INIP: variants seen among roughly 807,000 people sequenced by gnomAD.
INIP encodes SOSS complex subunit C.
INIP carries 9 observed loss-of-function variants against 14.0 expected under a neutral mutation model. The observed-to-expected ratio is 0.64, with a 90% confidence interval of 0.39 to 1.12. The LOEUF (loss-of-function observed/expected upper bound fraction) is 1.12. INIP is among the 50% of genes most tolerant of loss of function. INIP has a pLI of 0.01. For missense variants in INIP, 78 were observed against 122.7 expected (o/e 0.64, Z 1.72); for synonymous variants, 37 against 41.5 (o/e 0.89, Z 0.41).
intron 4 of INIP, among the ~76,000 whole-genome samples, chr9:112,688,748 CAAG>C (rs1303324534): frequency 1.3e-5 from 2 of 152,028 alleles, no homozygotes; most frequent in South Asian, 2.1e-4. Flanking sequence ...GAGCCTGAGG[CAAG>C]AAGATTACTT....
At chr9:112,713,014 C>T (rs778215548) in intron 2 of INIP, among the ~76,000 whole-genome samples, 50 of 152,222 alleles carry the variant, frequency 3.3e-4, no homozygotes, top group Middle Eastern at 3.4e-3. Flanking sequence ...ATTAAGAACA[C>T]GAAAAGGCAA....
At chr9:112,700,984 T>C (rs1838278907) in intron 2 of INIP, among the ~76,000 whole-genome samples, 1 of 152,118 alleles carries the variant, frequency 6.6e-6, no homozygotes, top group African/African-American at 2.4e-5. Flanking sequence ...TATATATATA[T>C]AAAATTTCCT....
chr9:112,688,077 C>T (rs1837746573), intron 4 of INIP, among the ~76,000 whole-genome samples: 1 of 143,358 alleles, frequency 7.0e-6, no homozygotes, highest in Non-Finnish European at 1.5e-5. Flanking sequence ...CAGAGCGAGA[C>T]TCCATCTCAA....
chr9:112,695,334 A>G (rs1838046095), intron 2 of INIP, among the ~76,000 whole-genome samples: 1 of 151,012 alleles, frequency 6.6e-6, no homozygotes, highest in African/African-American at 2.4e-5. Context: ...TGAATATGGG[A>G]GGAAAGCACA....
intron 3 of INIP, 150 bp from the exon 4 acceptor site, chr9:112,689,767 ATTTG>A (rs1231513670): frequency 1.7e-6 from 1 of 575,972 alleles, no homozygotes; most frequent in African/African-American, 1.9e-5. Flanking sequence ...ATGTTTTAGT[ATTTG>A]TATTTGTTGT....
Position 112,700,538 on chromosome 9 carries a change from T to TATATATATA in INIP, c.26-6306_26-6305insTATATATAT, listed in dbSNP as rs112196431. On this transcript the variant is annotated intron_variant, in intron 2 of 4. Coordinates refer to ENST00000374242, the MANE Select transcript of INIP (RefSeq NM_021218.3). ...TAGGTATATATAATATATATATATATTATATATACCTAATTATATTATATA... is the reference window on the plus strand; with the variant it reads ...TAGGTATATATAATATATATATATATATATATATATATATATACCTAATTATATTATATA... 3.6e-3 allele frequency among the ~76,000 whole-genome samples: 437 copies of TATATATATA among 122,150 alleles called. 3 individuals carry two copies. Among genetic ancestry groups the TATATATATA allele is most frequent in the African/African-American group, 0.015 (412 of 27,414 alleles). 80.1% of individuals were successfully genotyped at this position (122,150 alleles called of 152,430 possible).
At chr9:112,705,244 T>C (rs1277535716) in intron 2 of INIP, among the ~76,000 whole-genome samples, 1 of 152,024 alleles carries the variant, frequency 6.6e-6, no homozygotes, top group Non-Finnish European at 1.5e-5. Flanking sequence ...TTAATTATAA[T>C]TGTAACTTAA....
At position 112,716,488 on chromosome 9, in the gene INIP, T is replaced by C; in HGVS notation, c.-3A>G. 1 of 1,613,768 alleles carries C rather than the reference T, an allele frequency of 6.2e-7. No homozygotes were observed. Among genetic ancestry groups the C allele is most frequent in the South Asian group, 1.1e-5 (1 of 91,078 alleles). On this transcript the variant is annotated 5_prime_UTR_variant, in exon 2 of 5. Transcript: ENST00000374242. ...TGTCCTGAAGAGTTTGCTGCCATTTTCCTATTTTGTTTCAAGTATGTCCAG... is the reference window on the plus strand; with the variant it reads ...TGTCCTGAAGAGTTTGCTGCCATTTCCCTATTTTGTTTCAAGTATGTCCAG...
chr9:112,695,255 G>GAAAA (rs60657759), intron 2 of INIP, among the ~76,000 whole-genome samples: 1 of 64,694 alleles, frequency 1.5e-5, no homozygotes, highest in East Asian at 5.1e-4. Context: ...CAGAACTACA[G>GAAAA]AAAAAAAAAA....
intron 2 of INIP, among the ~76,000 whole-genome samples, chr9:112,711,317 C>G (rs1838642855): frequency 6.6e-6 from 1 of 152,076 alleles, no homozygotes; most frequent in South Asian, 2.1e-4. Context: ...TCCATGACAT[C>G]AACAAAAATC....
At chr9:112,701,137 G>A (rs112253852) in intron 2 of INIP, among the ~76,000 whole-genome samples, 8 of 152,162 alleles carry the variant, frequency 5.3e-5, no homozygotes, top group East Asian at 1.9e-4. Flanking sequence ...ATGAAACCCC[G>A]TCTCTACTAA....
chr9:112,688,798 G>A (rs1003549024), intron 4 of INIP, among the ~76,000 whole-genome samples: 1 of 152,136 alleles, frequency 6.6e-6, no homozygotes, highest in African/African-American at 2.4e-5. Flanking sequence ...AGCTATGATG[G>A]CACCATTGCA....
chr9:112,704,074 G>T (rs983120325), intron 2 of INIP, among the ~76,000 whole-genome samples: 4 of 151,896 alleles, frequency 2.6e-5, no homozygotes, highest in African/African-American at 9.7e-5. Flanking sequence ...ATACTTTTTT[G>T]TTTCAGTACA....
At chr9:112,688,274 A>C (rs1837754462) in intron 4 of INIP, among the ~76,000 whole-genome samples, 1 of 152,098 alleles carries the variant, frequency 6.6e-6, no homozygotes, top group Non-Finnish European at 1.5e-5. Context: ...CAAAGACATG[A>C]ACTGTTTTGT....
intron 2 of INIP, among the ~76,000 whole-genome samples, chr9:112,707,240 CTT>C (rs745697280): frequency 5.9e-4 from 73 of 124,164 alleles, no homozygotes; most frequent in East Asian, 9.2e-4. Flanking sequence ...TGCCCGGCCT[CTT>C]TTTTTTTTTT....
chr9:112,687,822 ACAC>A, intron 4 of INIP, among the ~76,000 whole-genome samples, 189 bp from the exon 5 acceptor site: 1 of 152,082 alleles, frequency 6.6e-6, no homozygotes, highest in Non-Finnish European at 1.5e-5. Context: ...GCGGTGGCTC[ACAC>A]TGGTAATCCC....
chr9:112,689,533 A>C lies in INIP; in HGVS notation c.213T>G (p.Ala71=). Residue 71 remains alanine (A), a synonymous_variant, in exon 4 of 5, where the codon GCT becomes GCG. Coordinates refer to ENST00000374242, the MANE Select transcript of INIP (RefSeq NM_021218.3). ...TGTCAGTTACACTGCTCACCTGCAA[A>C]GCTGCCTTCTGTTGGGCTGCAATAT... The part of the protein sequence containing the change: ...QQHIAAQQKA[A]LQHAHAHSSG... 1.2e-6 allele frequency: 2 copies of C among 1,614,068 alleles called. No homozygotes were observed. Among genetic ancestry groups the C allele is most frequent in the East Asian group, 4.5e-5 (2 of 44,880 alleles).
At chr9:112,703,852 C>T (rs1434800671) in intron 2 of INIP, among the ~76,000 whole-genome samples, 2 of 152,096 alleles carry the variant, frequency 1.3e-5, no homozygotes, top group African/African-American at 4.8e-5. Context: ...ATAATAATTA[C>T]AGCTAAGTGG....
chr9:112,691,603 G>A (rs958230905), intron 3 of INIP, among the ~76,000 whole-genome samples: 1 of 152,188 alleles, frequency 6.6e-6, no homozygotes, highest in Admixed American at 6.5e-5. Flanking sequence ...GAATTCGAAG[G>A]GCTGTCAGCA....
Sources: gnomAD v4.1 joint callset for allele counts (sites outside exome capture counted in the v4.1 genomes callset) on GRCh38, gnomAD v4.1.1 for gene constraint, MANE v1.5 for transcripts, NCBI Gene and HGNC (gene_info 2026-07-23, HGNC 2026-07-21) for gene names.